CEP83: variants seen among roughly 807,000 people sequenced by gnomAD.
CEP83 encodes the protein centrosomal protein of 83 kDa.
CEP83 carries 70 observed loss-of-function variants against 101.9 expected under a neutral mutation model. The ratio of observed to expected loss-of-function variants is 0.69; its 90% CI spans 0.57 to 0.84. The LOEUF (loss-of-function observed/expected upper bound fraction) is 0.84, where lower values mean the gene tolerates loss of function less well. CEP83 is among the 40% of genes least tolerant of loss of function. The probability of loss-of-function intolerance (pLI) is 0.00; values close to 1 mark genes in which losing one functional copy is unlikely to be tolerated. For synonymous variants in CEP83, 264 were observed against 267.9 expected, an observed-to-expected ratio of 0.99 and a Z score of 0.14; for missense variants, 715 against 787.2, an observed-to-expected ratio of 0.91 and a Z score of 1.10.
At position 94,403,727 on chromosome 12, in the gene CEP83, C is replaced by T. The variant is rs576964434; in HGVS notation, c.325-465G>A. On this transcript the variant is annotated intron_variant, in intron 4 of 16. Coordinates refer to ENST00000397809, the MANE Select transcript of CEP83 (RefSeq NM_016122.3). Reference sequence around the variant, plus strand: ...CCTTGTCACACTCTTTTATAGAACTCGTATTTTAATAAGTAATTAAATATT... The same window carrying T: ...CCTTGTCACACTCTTTTATAGAACTTGTATTTTAATAAGTAATTAAATATT... Among the ~76,000 whole-genome samples, 17 of 152,180 alleles carry T rather than the reference C, an allele frequency of 1.1e-4. No homozygotes were observed. In the South Asian group the frequency reaches 3.3e-3, roughly 30 times the overall value.
intron 11 of CEP83, among the ~76,000 whole-genome samples, chr12:94,366,165 T>C (rs1361017090): frequency 1.3e-5 from 2 of 151,956 alleles, no homozygotes; most frequent in South Asian, 2.1e-4. Context: ...TATAGTTCTG[T>C]CCTTTAGAAC....
In CEP83 at chr12:94,439,213, A is replaced by G. The variant is rs146114227; in HGVS notation, c.-154-3886T>C. On this transcript the variant is annotated intron_variant, in intron 1 of 16. Transcript: ENST00000397809. ...ATTGAAACACAACAACAAGAACAAC[A>G]ACAAAATACAAAAGATAAATTAGAC... 4.7e-4 allele frequency among the ~76,000 whole-genome samples: 71 copies of G among 152,324 alleles called. 1 individual carries two copies. In the East Asian group the frequency reaches 0.013, roughly 29 times the overall value.
intron 11 of CEP83, among the ~76,000 whole-genome samples, chr12:94,342,655 C>T (rs1452597416): frequency 3.3e-5 from 5 of 151,972 alleles, no homozygotes; most frequent in Non-Finnish European, 2.9e-5. Flanking sequence ...CCCAACTAAA[C>T]GCTACATATA....
rs79522377 is a variant in CEP83 at position 94,335,922 on chromosome 12, C to T, written c.1344-258G>A. On this transcript the variant is annotated intron_variant, in intron 11 of 16. Coordinates refer to ENST00000397809, the MANE Select transcript of CEP83 (RefSeq NM_016122.3). The stretch of plus-strand genomic sequence containing the variant: ...AAGTCTGTCCAGGGGTACTGGGGAA[C>T]GCTACATGGATAAAAACCTGACAGG... 16,235 of 350,482 alleles carry T rather than the reference C, an allele frequency of 0.046. 467 individuals carry two copies. The highest frequency in any genetic ancestry group is 0.082 in the East Asian group (1,412 of 17,126). 21.7% of individuals were successfully genotyped at this position (350,482 alleles called of 1,614,324 possible).
intron 11 of CEP83, among the ~76,000 whole-genome samples, chr12:94,360,583 A>T (rs2060703309): frequency 6.6e-6 from 1 of 152,078 alleles, no homozygotes. Context: ...GAAAACTATA[A>T]AATACTGATT....
downstream of CEP83, among the ~76,000 whole-genome samples, chr12:94,301,805 TTTTTAC>T (rs1593014907): frequency 6.6e-6 from 1 of 152,272 alleles, no homozygotes; most frequent in East Asian, 1.9e-4. Flanking sequence ...AACAAACCTG[TTTTTAC>T]TTTTGTCTTC....
intron 1 of CEP83, among the ~76,000 whole-genome samples, chr12:94,446,627 G>A (rs1393555499): frequency 6.6e-6 from 1 of 152,122 alleles, no homozygotes; most frequent in African/African-American, 2.4e-5. Flanking sequence ...AGAATCGCTT[G>A]AACCTGAGAG....
At chr12:94,303,372 G>T (rs2136235455), downstream of CEP83, among the ~76,000 whole-genome samples, 1 of 152,326 alleles carries the variant, frequency 6.6e-6, no homozygotes, top group South Asian at 2.1e-4. Flanking sequence ...AAATTCACTG[G>T]TGGGTGAGGA....
In CEP83 at chr12:94,335,643, A is replaced by G. The variant is rs529684300; in HGVS notation, c.1365T>C (p.Ile455=). ...QSVRLKLQQQ[I]VTIENAEKEK... The stretch of plus-strand genomic sequence containing the variant: ...CCTTCTCTGCATTTTCAATAGTCAC[A>G]ATTTGTTGCTGAAGTTTTAACCTAA... The change falls in exon 12 of 17, where the codon ATT becomes ATC. Residue 455 remains isoleucine, a synonymous_variant. Coordinates refer to ENST00000397809, the MANE Select transcript of CEP83 (RefSeq NM_016122.3). 4.4e-6 allele frequency: 7 copies of G among 1,586,294 alleles called. No individual in the cohort carries two copies. In the East Asian group the frequency reaches 1.6e-4, roughly 36 times the overall value.
intron 6 of CEP83, among the ~76,000 whole-genome samples, chr12:94,399,519 G>A (rs1333919465): frequency 6.6e-6 from 1 of 152,036 alleles, no homozygotes; most frequent in African/African-American, 2.4e-5. Flanking sequence ...AGATCAGCTG[G>A]GGCAACATAG....
chr12:94,448,726 G>A lies in CEP83; in HGVS notation c.-155+10831C>T, dbSNP rs1458215806. 2.6e-5 allele frequency among the ~76,000 whole-genome samples: 4 copies of A among 151,980 alleles called. No individual in the cohort carries two copies. In the East Asian group the frequency reaches 5.8e-4, roughly 22 times the overall value. On this transcript the variant is annotated intron_variant, in intron 1 of 16. Coordinates refer to ENST00000397809, the MANE Select transcript of CEP83 (RefSeq NM_016122.3). ...AAGGAAAAATTTTAAAATATATTTC[G>A]AATTGAATGAAAACAAAACACAGCA...
chr12:94,284,912 A>T, the CEP83 span, among the ~76,000 whole-genome samples: 5 of 152,124 alleles, frequency 3.3e-5, no homozygotes, highest in Admixed American at 6.6e-5. Context: ...TGTGTGTGAG[A>T]TGTAGATAGA....
chr12:94,457,666 T>A (rs1026216149), intron 1 of CEP83, among the ~76,000 whole-genome samples: 1 of 152,220 alleles, frequency 6.6e-6, no homozygotes, highest in Non-Finnish European at 1.5e-5. Flanking sequence ...TAAGGGTATC[T>A]GACATAAAGA....
intron 15 of CEP83, among the ~76,000 whole-genome samples, chr12:94,311,338 C>A (rs1213580676): frequency 6.6e-6 from 1 of 152,104 alleles, no homozygotes; most frequent in Non-Finnish European, 1.5e-5. Context: ...CATAAGTTTC[C>A]CTGAGTTCTG....
chr12:94,446,785 C>T (rs2066839610), intron 1 of CEP83, among the ~76,000 whole-genome samples: 1 of 152,048 alleles, frequency 6.6e-6, no homozygotes, highest in East Asian at 1.9e-4. Flanking sequence ...TCTAGAAGGT[C>T]AGTAAAGAGA....
chr12:94,289,441 T>C, the CEP83 span, among the ~76,000 whole-genome samples: 1 of 152,204 alleles, frequency 6.6e-6, no homozygotes, highest in Non-Finnish European at 1.5e-5. Context: ...CCAGTTCTGC[T>C]CTGGGCTGGA....
At chr12:94,273,626 G>T in the CEP83 span, among the ~76,000 whole-genome samples, 1 of 152,274 alleles carries the variant, frequency 6.6e-6, no homozygotes, top group African/African-American at 2.4e-5. Flanking sequence ...GCATTAGAAT[G>T]TGTTGTATAT....
chr12:94,452,824 T>C (rs1354496368), intron 1 of CEP83, among the ~76,000 whole-genome samples: 1 of 152,158 alleles, frequency 6.6e-6, no homozygotes, highest in East Asian at 1.9e-4. Flanking sequence ...AAGTCAAGTT[T>C]ACAGCTTACC....
intron 2 of CEP83, among the ~76,000 whole-genome samples, chr12:94,416,551 T>TACAC (rs1555256390): frequency 1.9e-4 from 28 of 145,606 alleles, no homozygotes; most frequent in Non-Finnish European, 2.4e-4. Context: ...CCAAATACCA[T>TACAC]ACACACACAC....
Sources: allele counts gnomAD v4.1 joint callset (sites outside exome capture counted in the v4.1 genomes callset), GRCh38; gene constraint gnomAD v4.1.1; transcripts MANE v1.5; gene names NCBI Gene and HGNC (gene_info 2026-07-23, HGNC 2026-07-21).